SPOCK3: variants seen among roughly 807,000 people sequenced by gnomAD.
The protein encoded by SPOCK3 is testican-3.
SPOCK3 carries 30 observed loss-of-function variants against 56.6 expected under a neutral mutation model. That is an observed-to-expected ratio of 0.53 (90% CI 0.40 to 0.72). The LOEUF (loss-of-function observed/expected upper bound fraction) is 0.72. Ranked by LOEUF, SPOCK3 falls within the 30% of genes least tolerant of loss-of-function variation. The pLI, the probability that SPOCK3 is intolerant of heterozygous loss-of-function variation, is 0.00. For missense variants in SPOCK3, 527 were observed against 530.0 expected (o/e 0.99, Z 0.06); for synonymous variants, 196 against 183.3 (o/e 1.07, Z -0.56).
chr4:166,789,216 G>A (rs1741065768), intron 7 of SPOCK3, among the ~76,000 whole-genome samples: 1 of 151,890 alleles, frequency 6.6e-6, no homozygotes, highest in African/African-American at 2.4e-5. Flanking sequence ...GATCACCTGA[G>A]GTCAGGAGTT....
chr4:166,953,020 A>G (rs1477746622), intron 4 of SPOCK3, among the ~76,000 whole-genome samples: 1 of 151,814 alleles, frequency 6.6e-6, no homozygotes, highest in Non-Finnish European at 1.5e-5. Context: ...GGACATAGGC[A>G]TGGGCAAGGA....
chr4:167,043,492 GA>G (rs1486761493), intron 3 of SPOCK3, among the ~76,000 whole-genome samples: 1 of 151,934 alleles, frequency 6.6e-6, no homozygotes, highest in African/African-American at 2.4e-5. Flanking sequence ...TTATAAAGTT[GA>G]AAAGCAGTGG....
At chr4:166,736,158 A>G (rs998222293) in intron 10 of SPOCK3, among the ~76,000 whole-genome samples, 2 of 152,090 alleles carry the variant, frequency 1.3e-5, no homozygotes, top group Non-Finnish European at 2.9e-5. Flanking sequence ...TCCCATCTTA[A>G]CTGAAGAAAA....
intron 3 of SPOCK3, among the ~76,000 whole-genome samples, chr4:167,006,550 A>C (rs1033421562): frequency 5.3e-5 from 8 of 152,108 alleles, no homozygotes; most frequent in African/African-American, 1.9e-4. Context: ...AGTCAGTTCC[A>C]TATGCAATTG....
chr4:166,948,222 G>A (rs1030779209), intron 4 of SPOCK3, among the ~76,000 whole-genome samples: 2 of 152,032 alleles, frequency 1.3e-5, no homozygotes, highest in African/African-American at 4.8e-5. Context: ...GTATTCCATT[G>A]TGCATATATA....
intron 2 of SPOCK3, among the ~76,000 whole-genome samples, chr4:167,159,053 A>T (rs1580467921): frequency 6.6e-6 from 1 of 152,094 alleles, no homozygotes; most frequent in Middle Eastern, 3.4e-3. Context: ...ATGTTAGCAA[A>T]AGCACAGGAA....
At chr4:166,807,638 C>T (rs1248620987) in intron 6 of SPOCK3, among the ~76,000 whole-genome samples, 1 of 152,124 alleles carries the variant, frequency 6.6e-6, no homozygotes, top group Admixed American at 6.6e-5. Context: ...TGATTAAACT[C>T]GTTTCTGCCA....
chr4:166,823,723 G>A (rs1745168982), intron 6 of SPOCK3, among the ~76,000 whole-genome samples: 1 of 151,918 alleles, frequency 6.6e-6, no homozygotes, highest in Admixed American at 6.6e-5. Flanking sequence ...CCAACTCAAT[G>A]GTGTTATGAG....
intron 2 of SPOCK3, among the ~76,000 whole-genome samples, chr4:167,079,135 C>G (rs965185669): frequency 1.3e-5 from 2 of 151,438 alleles, no homozygotes; most frequent in African/African-American, 4.8e-5. Context: ...GATTCATATT[C>G]AAAGATACTG....
chr4:167,037,249 C>T (rs563720776), intron 3 of SPOCK3, among the ~76,000 whole-genome samples: 9 of 152,062 alleles, frequency 5.9e-5, no homozygotes, highest in Non-Finnish European at 1.5e-5. Flanking sequence ...GTTGGGAGGC[C>T]GAGACGGGTG....
At chr4:167,192,158 C>G (rs1410648367) in intron 2 of SPOCK3, among the ~76,000 whole-genome samples, 1 of 145,786 alleles carries the variant, frequency 6.9e-6, no homozygotes, top group Non-Finnish European at 1.5e-5. Flanking sequence ...TGGTCCTTTT[C>G]ATTCACTGTT....
At chr4:166,908,179 A>G (rs1736832722) in intron 5 of SPOCK3, among the ~76,000 whole-genome samples, 1 of 151,922 alleles carries the variant, frequency 6.6e-6, no homozygotes, top group African/African-American at 2.4e-5. Flanking sequence ...AGAAAGGTTA[A>G]AACATTATAG....
chr4:166,805,029 C>T (rs1359189691), intron 6 of SPOCK3, among the ~76,000 whole-genome samples: 3 of 151,986 alleles, frequency 2.0e-5, no homozygotes, highest in Non-Finnish European at 4.4e-5. Flanking sequence ...CTAGTATCAC[C>T]AACACTTTCT....
chr4:167,107,054 A>C (rs1399286496), intron 2 of SPOCK3, among the ~76,000 whole-genome samples: 2 of 151,954 alleles, frequency 1.3e-5, no homozygotes, highest in Non-Finnish European at 2.9e-5. Context: ...CACTGGCTTC[A>C]CTGCTGAATT....
At chr4:166,769,163 G>T (rs565256443) in intron 7 of SPOCK3, among the ~76,000 whole-genome samples, 14 of 150,970 alleles carry the variant, frequency 9.3e-5, no homozygotes, top group Non-Finnish European at 1.6e-4. Context: ...AAGTTTGAGT[G>T]TCTGAAGCCT....
chr4:166,745,283 G>A (rs902804005), intron 8 of SPOCK3, among the ~76,000 whole-genome samples: 10 of 152,130 alleles, frequency 6.6e-5, no homozygotes, highest in East Asian at 1.9e-4. Flanking sequence ...GACTAACAGC[G>A]GATCTCTCAG....
At chr4:166,891,068 T>C (rs1463966935) in intron 5 of SPOCK3, among the ~76,000 whole-genome samples, 2 of 152,030 alleles carry the variant, frequency 1.3e-5, no homozygotes, top group Non-Finnish European at 2.9e-5. Flanking sequence ...GAGATTAGGA[T>C]TGCAACCCCT....
intron 2 of SPOCK3, among the ~76,000 whole-genome samples, chr4:167,163,374 A>G (rs1580483145): frequency 6.6e-6 from 1 of 152,020 alleles, no homozygotes; most frequent in South Asian, 2.1e-4. Flanking sequence ...GGCATACAGC[A>G]TGTAATAATC....
intron 6 of SPOCK3, among the ~76,000 whole-genome samples, chr4:166,824,892 G>C (rs1745303146): frequency 6.6e-6 from 1 of 151,932 alleles, no homozygotes; most frequent in Non-Finnish European, 1.5e-5. Flanking sequence ...CTTTACTACA[G>C]TTGTATTGCC....
Sources: allele counts gnomAD v4.1 joint callset (sites outside exome capture counted in the v4.1 genomes callset), GRCh38; gene constraint gnomAD v4.1.1; transcripts MANE v1.5; gene names NCBI Gene and HGNC (gene_info 2026-07-23, HGNC 2026-07-21).